PDZRN3: variants seen among roughly 807,000 people sequenced by gnomAD.
PDZRN3 encodes the protein PDZ domain containing ring finger 3.
In PDZRN3, 38 loss-of-function variants were observed where a neutral mutation model predicts 85.7. The observed-to-expected ratio is 0.44, with a 90% CI of 0.34 to 0.58. PDZRN3 has a LOEUF of 0.58. PDZRN3 is among the 20% of genes least tolerant of loss of function. The pLI, the probability that PDZRN3 is intolerant of heterozygous loss-of-function variation, is 0.01. For synonymous variants in PDZRN3, 759 were observed against 638.0 expected (o/e 1.19, Z -2.86); for missense variants, 1,629 against 1,506.4 (o/e 1.08, Z -1.35).
rs138985633 is a variant in PDZRN3, at chr3:73,496,668, C to A, written c.919-92273G>T. ...ACATCCATCCATATTCAAATTTCAA[C>A]ACACAAAAAGTCCTTTTATAGTTAG... is the stretch of plus-strand genomic sequence containing the variant. On this transcript the variant is annotated intron_variant, in intron 3 of 9. Transcript: ENST00000263666. 7.1e-3 allele frequency among the ~76,000 whole-genome samples: 1,073 copies of A among 151,490 alleles called. 8 individuals are homozygous for A. The highest frequency in any genetic ancestry group is 0.024 in the African/African-American group (1,007 of 41,352).
intron 3 of PDZRN3, among the ~76,000 whole-genome samples, chr3:73,407,824 T>C (rs1381009779): frequency 6.6e-6 from 1 of 152,150 alleles, no homozygotes; most frequent in Non-Finnish European, 1.5e-5. Context: ...TGTTGAGGCA[T>C]ACTCAATTAC....
intron 3 of PDZRN3, among the ~76,000 whole-genome samples, chr3:73,423,462 T>C (rs1351440998): frequency 6.6e-6 from 1 of 152,262 alleles, no homozygotes; most frequent in Non-Finnish European, 1.5e-5. Flanking sequence ...GGTTTAGTGC[T>C]GTGAATAGTA....
At chr3:73,406,358 G>C (rs189232803) in intron 3 of PDZRN3, among the ~76,000 whole-genome samples, 31 of 152,344 alleles carry the variant, frequency 2.0e-4, no homozygotes, top group Non-Finnish European at 3.8e-4. Context: ...AAGGAATGGG[G>C]TGTAGATGGG....
intron 1 of PDZRN3, among the ~76,000 whole-genome samples, chr3:73,610,139 C>A (rs894861640): frequency 6.6e-6 from 1 of 152,046 alleles, no homozygotes; most frequent in African/African-American, 2.4e-5. Flanking sequence ...ACTGTAAAAA[C>A]AAAAATGACA....
chr3:73,579,824 G>C (rs1316721568), intron 3 of PDZRN3, among the ~76,000 whole-genome samples: 1 of 152,014 alleles, frequency 6.6e-6, no homozygotes, highest in Non-Finnish European at 1.5e-5. Context: ...TGTATGGAGT[G>C]TCTCTGTGTG....
At chr3:73,454,088 C>G (rs1702929500) in intron 3 of PDZRN3, among the ~76,000 whole-genome samples, 1 of 152,162 alleles carries the variant, frequency 6.6e-6, no homozygotes, top group African/African-American at 2.4e-5. Flanking sequence ...GCAAGCTATT[C>G]CAGCACAAGA....
At chr3:73,575,001 C>A (rs1404530058) in intron 3 of PDZRN3, among the ~76,000 whole-genome samples, 1 of 152,130 alleles carries the variant, frequency 6.6e-6, no homozygotes, top group Non-Finnish European at 1.5e-5. Flanking sequence ...TACAAGAGAG[C>A]AAAGTGATGT....
At chr3:73,616,697 T>C (rs535918212) in intron 1 of PDZRN3, among the ~76,000 whole-genome samples, 2 of 152,314 alleles carry the variant, frequency 1.3e-5, no homozygotes, top group African/African-American at 4.8e-5. Context: ...TGAAAAAATG[T>C]TAAAATCCTA....
At chr3:73,605,008 C>T (rs1263427824) in intron 2 of PDZRN3, among the ~76,000 whole-genome samples, 1 of 152,062 alleles carries the variant, frequency 6.6e-6, no homozygotes. Context: ...ATCGCCTGAG[C>T]TCAGGAATTC....
At chr3:73,603,303 C>T (rs4605484) in intron 2 of PDZRN3, among the ~76,000 whole-genome samples, 74,137 of 151,988 alleles carry the variant, frequency 0.49, 19,648 homozygotes, top group East Asian at 0.65. Flanking sequence ...AATTAAATGT[C>T]AGAACTAAAA....
chr3:73,575,643 G>A (rs1487403456), intron 3 of PDZRN3, among the ~76,000 whole-genome samples: 1 of 152,210 alleles, frequency 6.6e-6, no homozygotes, highest in Non-Finnish European at 1.5e-5. Context: ...AGAAGAAAGA[G>A]AAGGGCATTA....
intron 3 of PDZRN3, among the ~76,000 whole-genome samples, chr3:73,516,285 CATTTTA>C (rs1212403125): frequency 4.6e-5 from 7 of 152,158 alleles, no homozygotes; most frequent in Non-Finnish European, 1.0e-4. Flanking sequence ...ACAGAATGAA[CATTTTA>C]ATTTTAATAG....
At chr3:73,415,125 A>G (rs1702049935) in intron 3 of PDZRN3, among the ~76,000 whole-genome samples, 1 of 152,196 alleles carries the variant, frequency 6.6e-6, no homozygotes. Context: ...GTCCCTAGGA[A>G]GTTGACAGTC....
chr3:73,466,924 T>A (rs991060270), intron 3 of PDZRN3, among the ~76,000 whole-genome samples: 77 of 152,324 alleles, frequency 5.1e-4, no homozygotes, highest in African/African-American at 1.7e-3. Context: ...TATTAAGTGA[T>A]GCATCATTTC....
At position 73,383,084 on chromosome 3, in the gene PDZRN3, A is replaced by G. The variant is rs1318688675; in HGVS notation, c.*281T>C. ...ATGCTTAATAAAAGATCTTTCTGAA[A>G]TTTAAACACTTTATGTAAAAGGGTA... On this transcript the variant is annotated 3_prime_UTR_variant, in exon 10 of 10. Transcript: ENST00000263666. 1.3e-5 allele frequency: 4 copies of G among 314,130 alleles called. No homozygotes were observed. Among genetic ancestry groups the G allele is most frequent in the Non-Finnish European group, 2.3e-5 (4 of 171,540 alleles). 19.5% of individuals were successfully genotyped at this position (314,130 alleles called of 1,614,324 possible).
chr3:73,451,591 G>GA (rs1702863204), intron 3 of PDZRN3, among the ~76,000 whole-genome samples: 1 of 152,166 alleles, frequency 6.6e-6, no homozygotes, highest in Non-Finnish European at 1.5e-5. Context: ...ATAAATGGGA[G>GA]AAAAATACCA....
At chr3:73,414,055 G>A (rs930231362) in intron 3 of PDZRN3, among the ~76,000 whole-genome samples, 2 of 152,010 alleles carry the variant, frequency 1.3e-5, no homozygotes, top group Non-Finnish European at 2.9e-5. Flanking sequence ...TATAGGCAAC[G>A]TCTAAGGCCC....
intron 3 of PDZRN3, among the ~76,000 whole-genome samples, chr3:73,514,787 A>C (rs1704227172): frequency 1.3e-5 from 2 of 152,232 alleles, no homozygotes; most frequent in Non-Finnish European, 2.9e-5. Flanking sequence ...AAAATTGTAC[A>C]GTTGTAGTCC....
At position 73,624,625 on chromosome 3, in the gene PDZRN3, G is replaced by A. The variant is rs1372541628; in HGVS notation, c.201C>T (p.His67=). 6.4e-7 allele frequency: 1 copy of A among 1,557,094 alleles called. No individual in the cohort carries two copies. The highest frequency in any genetic ancestry group is 8.7e-7 in the Non-Finnish European group (1 of 1,155,314). The change falls in exon 1 of 10, where the codon CAC becomes CAT. Residue 67 remains histidine (H), a synonymous_variant. Coordinates refer to ENST00000263666, the MANE Select transcript of PDZRN3 (RefSeq NM_015009.3). The part of the protein sequence containing the change: ...RGRLSAKELN[H]VLPLKRLILK... ...GGATAAGGCGCTTGAGCGGCAGGAC[G>A]TGGTTGAGCTCTTTGGCCGACAGGC... is the stretch of plus-strand genomic sequence containing the variant.
Sources: allele counts gnomAD v4.1 joint callset (sites outside exome capture counted in the v4.1 genomes callset), GRCh38; gene constraint gnomAD v4.1.1; transcripts MANE v1.5; gene names NCBI Gene and HGNC (gene_info 2026-07-23, HGNC 2026-07-21).